The following TMEM116 variants were observed in gnomAD, a reference collection of about 807,000 sequenced individuals.
TMEM116 encodes transmembrane protein 116.
TMEM116 carries 38 observed loss-of-function variants against 44.3 expected under a neutral mutation model. That is an observed-to-expected ratio of 0.86 (90% CI 0.66 to 1.12). TMEM116 has a LOEUF of 1.12. Among genes scored for constraint, TMEM116 ranks in the 50% most tolerant of loss-of-function variants. The pLI, the probability that TMEM116 is intolerant of heterozygous loss-of-function variation, is 0.00. For missense variants in TMEM116, 354 were observed against 401.7 expected (o/e 0.88, Z 1.01); for synonymous variants, 132 against 144.8 (o/e 0.91, Z 0.64).
In TMEM116 at chr12:111,960,490, T is replaced by C. The variant is rs1258809188; in HGVS notation, c.211-17121A>G. Among the ~76,000 whole-genome samples, 7 of 45,848 alleles carry C rather than the reference T, an allele frequency of 1.5e-4. No individual in the cohort carries two copies. The Admixed American group carries it at 2.6e-3, about 17-fold the overall frequency. 30.1% of individuals were successfully genotyped at this position (45,848 alleles called of 152,430 possible). A position where few individuals can be genotyped will look rare whatever the true frequency, so the allele number is the denominator to read the frequency against. ...CTGGGCGACAGAGCAAGACTCCGTC[T>C]CAAAAAAAAAAAAAAAAAAAAAAAA... On this transcript the variant is annotated intron_variant, in intron 4 of 10. Transcript: ENST00000552374.
At chr12:111,947,701 C>T (rs2073396717) in intron 4 of TMEM116, among the ~76,000 whole-genome samples, 1 of 152,066 alleles carries the variant, frequency 6.6e-6, no homozygotes, top group Non-Finnish European at 1.5e-5. Flanking sequence ...TCATTCTTCC[C>T]TACAGGTATC....
chr12:111,997,504 T>C (rs2076989224), intron 3 of TMEM116, among the ~76,000 whole-genome samples: 1 of 152,138 alleles, frequency 6.6e-6, no homozygotes, highest in Non-Finnish European at 1.5e-5. Flanking sequence ...GAGGCTACAG[T>C]AGGCTATGAT....
intron 4 of TMEM116, among the ~76,000 whole-genome samples, chr12:111,958,246 C>G (rs1288775149): frequency 7.1e-6 from 1 of 140,778 alleles, no homozygotes; most frequent in South Asian, 2.3e-4. Context: ...TCCCCCTCTC[C>G]GAGAAACACC....
At chr12:111,985,497 T>C (rs940138422) in intron 4 of TMEM116, among the ~76,000 whole-genome samples, 3 of 152,228 alleles carry the variant, frequency 2.0e-5, no homozygotes, top group African/African-American at 7.2e-5. Context: ...AAGACTTGTA[T>C]ACTAAAAAGT....
chr12:111,979,790 G>A (rs544243733), intron 4 of TMEM116, among the ~76,000 whole-genome samples: 1 of 152,162 alleles, frequency 6.6e-6, no homozygotes, highest in South Asian at 2.1e-4. Context: ...AAAATATTTG[G>A]ATATGTCACC....
At chr12:111,992,065 T>A (rs1165651841) in intron 3 of TMEM116, among the ~76,000 whole-genome samples, 176 bp from the exon 4 acceptor site, 1 of 152,184 alleles carries the variant, frequency 6.6e-6, no homozygotes, top group Non-Finnish European at 1.5e-5. Flanking sequence ...AAGGAATCTA[T>A]AACCACTATA....
At chr12:112,006,710 A>G (rs1053592481) in intron 1 of TMEM116, among the ~76,000 whole-genome samples, 2 of 152,242 alleles carry the variant, frequency 1.3e-5, no homozygotes, top group African/African-American at 4.8e-5. Flanking sequence ...ATATACCTAC[A>G]CAGAGTAGCA....
At chr12:111,995,329 C>T (rs900953860) in intron 3 of TMEM116, among the ~76,000 whole-genome samples, 2 of 151,962 alleles carry the variant, frequency 1.3e-5, no homozygotes, top group Admixed American at 1.3e-4. Context: ...ACATAAGTGG[C>T]TTTTTCAATC....
intron 4 of TMEM116, among the ~76,000 whole-genome samples, chr12:111,973,660 C>T (rs899823112): frequency 6.6e-6 from 1 of 151,978 alleles, no homozygotes; most frequent in African/African-American, 2.4e-5. Flanking sequence ...AAGATCAAAG[C>T]GGAAATCAAG....
chr12:111,967,172 C>T (rs1448463456), intron 4 of TMEM116, among the ~76,000 whole-genome samples: 1 of 152,036 alleles, frequency 6.6e-6, no homozygotes, highest in African/African-American at 2.4e-5. Flanking sequence ...ATTAGAATGG[C>T]AATGATTTTC....
At chr12:111,988,990 TCAAAAACAAAAACAAAACAAAAA>T (rs1455662924) in intron 4 of TMEM116, among the ~76,000 whole-genome samples, 2 of 151,674 alleles carry the variant, frequency 1.3e-5, no homozygotes, top group African/African-American at 2.4e-5. Flanking sequence ...AGACTCTGTC[TCAAAAACAAAAACAAAACAAAAA>T]CAAAAACAAA....
At chr12:111,970,557 T>C (rs1302768130) in intron 4 of TMEM116, among the ~76,000 whole-genome samples, 1 of 149,786 alleles carries the variant, frequency 6.7e-6, no homozygotes, top group Non-Finnish European at 1.5e-5. Flanking sequence ...ATAAAGAAAA[T>C]AGCATTAAGG....
intron 4 of TMEM116, among the ~76,000 whole-genome samples, chr12:111,947,776 A>G (rs2073401924): frequency 6.6e-6 from 1 of 152,226 alleles, no homozygotes; most frequent in Admixed American, 6.5e-5. Context: ...AATAACTTCA[A>G]TATTAATGGA....
chr12:111,991,979 A>G (rs1054902721), intron 3 of TMEM116, 90 bp from the exon 4 acceptor site: 16 of 1,350,096 alleles, frequency 1.2e-5, no homozygotes, highest in Non-Finnish European at 1.5e-5. Context: ...TGTTTCTAGT[A>G]GGAAACTGAC....
chr12:112,005,355 T>C (rs916489605), intron 1 of TMEM116, 52 bp from the exon 2 acceptor site: 2 of 1,184,804 alleles, frequency 1.7e-6, no homozygotes. Context: ...CATTGAATAT[T>C]CAACCTAAGT....
chr12:112,013,126 G>A lies in TMEM116; in HGVS notation c.-158C>T, dbSNP rs992698351. 6.5e-5 allele frequency: 19 copies of A among 292,494 alleles called. No homozygotes were observed. Among genetic ancestry groups the A allele is most frequent in the African/African-American group, 3.3e-4 (15 of 45,940 alleles). The allele number at this position is 292,494 out of a possible 1,614,324, so 18.1% of individuals were successfully genotyped here. A position where few individuals can be genotyped will look rare whatever the true frequency, so the allele number is the denominator to read the frequency against. ...ACGAATTGCTATAGCGTCCCCATGC[G>A]CACTTGGCGCTTCTCCTCAAGCGGA... On this transcript the variant is annotated 5_prime_UTR_variant, in exon 1 of 11. Coordinates refer to ENST00000552374, the MANE Select transcript of TMEM116 (RefSeq NM_001193531.2).
At position 111,943,332 on chromosome 12, in the gene TMEM116, T is replaced by A; in HGVS notation, c.248A>T (p.Tyr83Phe). 1 of 1,614,096 alleles carries A rather than the reference T, an allele frequency of 6.2e-7. No homozygotes were observed. The highest frequency in any genetic ancestry group is 2.2e-5 in the East Asian group (1 of 44,890). The change falls in exon 5 of 11, where the codon TAC becomes TTC. Residue 83 changes from tyrosine to phenylalanine, a missense_variant. Transcript: ENST00000552374. ...YISSFLYTVN[Y>F]IWYLYTELRM... The stretch of plus-strand genomic sequence containing the variant: ...CAGCTCTGTGTACAAATACCAGATG[T>A]AATTGACGGTGTAGAGAAATGAGGA...
Position 111,991,240 on chromosome 12 carries a change from C to T in TMEM116, c.210+518G>A, listed in dbSNP as rs1218645362. 8.6e-5 allele frequency among the ~76,000 whole-genome samples: 9 copies of T among 104,672 alleles called. No homozygotes were observed. In the East Asian group the frequency reaches 1.5e-3, roughly 17 times the overall value. 68.7% of individuals were successfully genotyped at this position (104,672 alleles called of 152,430 possible). On this transcript the variant is annotated intron_variant, in intron 4 of 10. Coordinates refer to ENST00000552374, the MANE Select transcript of TMEM116 (RefSeq NM_001193531.2). ...CTCAAAAAAAAAAAAAAAAAAAAAACGGCTGGGTGCGGTGGCTCATGCCTG... is the reference window on the plus strand; with the variant it reads ...CTCAAAAAAAAAAAAAAAAAAAAAATGGCTGGGTGCGGTGGCTCATGCCTG...
intron 4 of TMEM116, among the ~76,000 whole-genome samples, chr12:111,970,559 G>C (rs2075272840): frequency 1.3e-5 from 2 of 149,368 alleles, no homozygotes; most frequent in African/African-American, 2.5e-5. Context: ...AAAGAAAATA[G>C]CATTAAGGCA....
Sources: allele counts gnomAD v4.1 joint callset (sites outside exome capture counted in the v4.1 genomes callset), GRCh38; gene constraint gnomAD v4.1.1; transcripts MANE v1.5; gene names NCBI Gene and HGNC (gene_info 2026-07-23, HGNC 2026-07-21).